CYP2J2: variants seen among roughly 807,000 people sequenced by gnomAD.
CYP2J2 encodes cytochrome P450 family 2 subfamily J member 2.
Under a neutral mutation model 48.8 loss-of-function variants are expected in CYP2J2, and 41 were observed. That is an observed-to-expected ratio of 0.84 (90% CI 0.66 to 1.09). The LOEUF is 1.09. Ranked by LOEUF, CYP2J2 falls within the 50% of genes least tolerant of loss-of-function variation. CYP2J2 has a pLI of 0.00. For synonymous variants in CYP2J2, 221 were observed against 227.1 expected (o/e 0.97, Z 0.24); for missense variants, 644 against 617.3 (o/e 1.04, Z -0.46).
chr1:59,941,156 G>C, the CYP2J2 span, among the ~76,000 whole-genome samples: 1 of 152,154 alleles, frequency 6.6e-6, no homozygotes, highest in Non-Finnish European at 1.5e-5. Context: ...CCTGATTTTT[G>C]AGCACTTCAA....
the CYP2J2 span, among the ~76,000 whole-genome samples, chr1:59,936,540 C>T: frequency 6.6e-5 from 10 of 152,136 alleles, no homozygotes; most frequent in African/African-American, 2.4e-4. Flanking sequence ...AACACATGCA[C>T]CTTGGATTTC....
Position 59,926,645 on chromosome 1 carries a change from A to T in CYP2J2, c.102T>A (p.Phe34Leu). The change falls in exon 1 of 9, where the codon TTT becomes TTA. Residue 34 changes from phenylalanine to leucine, a missense_variant. Coordinates refer to ENST00000371204, the MANE Select transcript of CYP2J2 (RefSeq NM_000775.4). The stretch of plus-strand genomic sequence containing the variant: ...AGTTCTTTGGGCGCCGTCTTTTGAG[A>T]AAGTCAGCAGCGAGCAGAAAGGCGA... ...GTVAFLLAADFLKRRRPKNYP... is the reference protein window; with the variant it reads ...GTVAFLLAADLLKRRRPKNYP... The T allele has an allele frequency of 6.2e-7, 1 of 1,614,202 alleles. No homozygotes were observed. The highest frequency in any genetic ancestry group is 1.1e-5 in the South Asian group (1 of 91,086).
At chr1:59,955,226 G>T in the CYP2J2 span, among the ~76,000 whole-genome samples, 1 of 141,576 alleles carries the variant, frequency 7.1e-6, no homozygotes, top group Non-Finnish European at 1.6e-5. Context: ...GCATATATAT[G>T]TATACGAATA....
At chr1:59,915,627 A>T (rs1011748001) in intron 2 of CYP2J2, among the ~76,000 whole-genome samples, 3 of 152,192 alleles carry the variant, frequency 2.0e-5, no homozygotes, top group African/African-American at 4.8e-5. Flanking sequence ...GGGTTGGAAG[A>T]GGAAAACAGA....
At chr1:59,895,468 A>G (rs185913018) in intron 8 of CYP2J2, among the ~76,000 whole-genome samples, 12 of 152,280 alleles carry the variant, frequency 7.9e-5, no homozygotes, top group African/African-American at 2.6e-4. Context: ...GTGATGTGTT[A>G]CATTATTGGT....
In CYP2J2 at chr1:59,911,706, T is replaced by C. The variant is rs1189748125; in HGVS notation, c.586A>G (p.Thr196Ala). 3.1e-6 allele frequency: 5 copies of C among 1,613,588 alleles called. No individual in the cohort carries two copies. In the African/African-American group the frequency reaches 6.7e-5, roughly 22 times the overall value. The change falls in exon 4 of 9, where the codon ACC (threonine) becomes GCC (alanine). Residue 196 changes from threonine (T) to alanine (A), a missense_variant. By Grantham distance (58) the Thr-to-Ala change is moderately conservative (BLOSUM62 0). Transcript: ENST00000371204. ...TGGTACTCAAAGCGTTCTCCGAAGG[T>C]GATGGAGCAAATGATATTGGAAACT... ...NAVSNIICSITFGERFEYQDS... is the reference protein window; with the variant it reads ...NAVSNIICSIAFGERFEYQDS...
At chr1:59,929,505 T>G (rs61790299), upstream of CYP2J2, among the ~76,000 whole-genome samples, 16,718 of 151,910 alleles carry the variant, frequency 0.11, 1,180 homozygotes, top group Admixed American at 0.17. Flanking sequence ...CTAAACAAAA[T>G]CATGGTGAAG....
intron 8 of CYP2J2, among the ~76,000 whole-genome samples, chr1:59,898,026 T>C (rs1363635019): frequency 1.3e-5 from 2 of 152,248 alleles, no homozygotes; most frequent in Non-Finnish European, 2.9e-5. Flanking sequence ...TCACATCTGC[T>C]TTGGGACATC....
upstream of CYP2J2, among the ~76,000 whole-genome samples, chr1:59,930,525 G>T (rs1263198535): frequency 6.6e-6 from 1 of 151,868 alleles, no homozygotes; most frequent in Non-Finnish European, 1.5e-5. Context: ...TCATGTTCTG[G>T]TTGTTCATTT....
the CYP2J2 span, among the ~76,000 whole-genome samples, chr1:59,952,890 G>C: frequency 6.6e-6 from 1 of 152,148 alleles, no homozygotes; most frequent in African/African-American, 2.4e-5. Flanking sequence ...TCATGCAGTA[G>C]AATAAGCAAA....
At chr1:59,953,624 C>G in the CYP2J2 span, among the ~76,000 whole-genome samples, 1,354 of 151,724 alleles carry the variant, frequency 8.9e-3, 20 homozygotes, top group African/African-American at 0.032. Context: ...TCATAAAGAG[C>G]CTCTGTGGGG....
the CYP2J2 span, among the ~76,000 whole-genome samples, chr1:59,965,643 G>A: frequency 6.6e-6 from 1 of 152,078 alleles, no homozygotes; most frequent in Non-Finnish European, 1.5e-5. Flanking sequence ...TTACTAGGGT[G>A]TACCCAAATT....
the CYP2J2 span, among the ~76,000 whole-genome samples, chr1:59,961,338 C>A: frequency 6.6e-6 from 1 of 152,158 alleles, no homozygotes; most frequent in Admixed American, 6.5e-5. Context: ...AAATATTTTT[C>A]CAAAGATGTA....
chr1:59,928,986 T>A (rs1006050835), upstream of CYP2J2, among the ~76,000 whole-genome samples: 1 of 152,226 alleles, frequency 6.6e-6, no homozygotes, highest in Admixed American at 6.5e-5. Flanking sequence ...TTGCATCAAA[T>A]TTTGAAGTAA....
intron 7 of CYP2J2, among the ~76,000 whole-genome samples, chr1:59,901,974 C>A (rs1469914118): frequency 1.3e-5 from 2 of 152,308 alleles, no homozygotes; most frequent in South Asian, 2.1e-4. Context: ...GCTCTCAGGG[C>A]AAAGACTCTT....
At chr1:59,905,178 TA>T in intron 6 of CYP2J2, 120 bp from the exon 7 acceptor site, 1 of 1,023,474 alleles carries the variant, frequency 9.8e-7, no homozygotes, top group Non-Finnish European at 1.4e-6. Context: ...TTGCAAGAAA[TA>T]AAATGGTTCT....
At chr1:59,914,678 G>A (rs1644448131) in intron 2 of CYP2J2, among the ~76,000 whole-genome samples, 1 of 152,182 alleles carries the variant, frequency 6.6e-6, no homozygotes, top group Non-Finnish European at 1.5e-5. Context: ...AAGCTGCAGG[G>A]ACCTCTCCCC....
chr1:59,952,909 T>C, the CYP2J2 span, among the ~76,000 whole-genome samples: 11 of 152,304 alleles, frequency 7.2e-5, no homozygotes, highest in African/African-American at 2.6e-4. Flanking sequence ...AAATGAATGG[T>C]TCGCTTTGCT....
At chr1:59,924,873 GA>G (rs879745688) in intron 1 of CYP2J2, among the ~76,000 whole-genome samples, 2 of 151,346 alleles carry the variant, frequency 1.3e-5, no homozygotes, top group Non-Finnish European at 3.0e-5. Context: ...TTGCCAGAAT[GA>G]AAAAAAAGAC....
Sources: allele counts gnomAD v4.1 joint callset (sites outside exome capture counted in the v4.1 genomes callset), GRCh38; gene constraint gnomAD v4.1.1; transcripts MANE v1.5; gene names NCBI Gene and HGNC (gene_info 2026-07-23, HGNC 2026-07-21).